Variants in FBXO11 observed in about 807,000 individuals in gnomAD.
The protein encoded by FBXO11 is F-box protein 11.
Under a neutral mutation model 117.0 loss-of-function variants are expected in FBXO11, and 13 were observed. The ratio of observed to expected loss-of-function variants is 0.11; its 90% confidence interval spans 0.07 to 0.18. The LOEUF (loss-of-function observed/expected upper bound fraction) is 0.18, where lower values mean the gene tolerates loss of function less well. FBXO11 is among the 10% of genes least tolerant of loss of function. The pLI is 1.00. For synonymous variants in FBXO11, 490 were observed against 380.5 expected (o/e 1.29, Z -3.35); for missense variants, 767 against 1,164.4 (o/e 0.66, Z 4.97).
At chr2:47,837,605 CAAA>C (rs1401019749) in intron 4 of FBXO11, among the ~76,000 whole-genome samples, 9 of 152,262 alleles carry the variant, frequency 5.9e-5, no homozygotes, top group African/African-American at 2.2e-4. Context: ...CGTTGTAAAA[CAAA>C]GAAGTGTAAA....
At chr2:47,810,818 TCTGGCCCTTATTA>T in intron 18 of FBXO11, 1 of 156,616 alleles carries the variant, frequency 6.4e-6, no homozygotes, top group Non-Finnish European at 1.4e-5. Context: ...AGCCCTTATT[TCTGGCCCTTATTA>T]CTATAATCAT....
At chr2:47,842,866 T>C (rs1673117393) in intron 1 of FBXO11, among the ~76,000 whole-genome samples, 1 of 151,322 alleles carries the variant, frequency 6.6e-6, no homozygotes, top group African/African-American at 2.4e-5. Flanking sequence ...CTGCAGCCTG[T>C]ATCTCCTGGG....
At chr2:47,839,397 G>C in intron 3 of FBXO11, 22 bp downstream of exon 3, 1 of 1,589,546 alleles carries the variant, frequency 6.3e-7, no homozygotes, top group Non-Finnish European at 8.5e-7. Context: ...TACCCTATTT[G>C]TTACTTTCCC....
intron 1 of FBXO11, among the ~76,000 whole-genome samples, chr2:47,863,894 T>C (rs981811735): frequency 1.3e-5 from 2 of 151,860 alleles, no homozygotes; most frequent in African/African-American, 2.4e-5. Context: ...TGAGCCAAGA[T>C]TGTGCCAATG....
At chr2:47,892,142 A>G (rs1677302037) in intron 1 of FBXO11, among the ~76,000 whole-genome samples, 1 of 151,926 alleles carries the variant, frequency 6.6e-6, no homozygotes, top group Admixed American at 6.6e-5. Flanking sequence ...GTCTATTTTT[A>G]CTTTTGTTGC....
chr2:47,833,181 A>G, intron 7 of FBXO11, 111 bp from the exon 8 acceptor site: 1 of 660,900 alleles, frequency 1.5e-6, no homozygotes, highest in Non-Finnish European at 2.6e-6. Flanking sequence ...TGGGACTAAT[A>G]TTCACTATCA....
chr2:47,875,122 A>T (rs1289463005), intron 1 of FBXO11, among the ~76,000 whole-genome samples: 1 of 152,152 alleles, frequency 6.6e-6, no homozygotes, highest in Non-Finnish European at 1.5e-5. Flanking sequence ...AACTTTCCAC[A>T]ACGATGACAA....
chr2:47,858,466 G>C (rs925121649), intron 1 of FBXO11, among the ~76,000 whole-genome samples: 2 of 150,906 alleles, frequency 1.3e-5, no homozygotes, highest in South Asian at 4.2e-4. Flanking sequence ...CAGATCACCT[G>C]AAGTCACGAG....
intron 4 of FBXO11, among the ~76,000 whole-genome samples, 153 bp from the exon 5 acceptor site, chr2:47,836,154 T>C (rs1181510651): frequency 1.3e-5 from 2 of 152,182 alleles, no homozygotes; most frequent in African/African-American, 4.8e-5. Flanking sequence ...GATTTTTTTT[T>C]TGAGACACAG....
At chr2:47,892,852 T>C (rs1012011332) in intron 1 of FBXO11, among the ~76,000 whole-genome samples, 1 of 152,266 alleles carries the variant, frequency 6.6e-6, no homozygotes, top group East Asian at 1.9e-4. Context: ...TTTTCTTATC[T>C]AGGCGTTTTT....
rs752784417 is a variant in FBXO11, at chr2:47,839,021, T to C, written c.443-18A>G. The C allele has an allele frequency of 2.0e-5, 32 of 1,592,816 alleles. No homozygotes were observed. The highest frequency in any genetic ancestry group is 2.7e-5 in the Non-Finnish European group (32 of 1,169,718). On this transcript the variant is annotated intron_variant, in intron 3 of 22. Transcript: ENST00000403359. ...AGGTGCTGCTATAAAGAGATTAACA[T>C]ATAAACTATCATTCGAGCAATAACT...
At chr2:47,890,123 ATTAT>A (rs137926259) in intron 1 of FBXO11, among the ~76,000 whole-genome samples, 56 of 151,728 alleles carry the variant, frequency 3.7e-4, no homozygotes, top group African/African-American at 1.2e-3. Flanking sequence ...GCTAATTTTT[ATTAT>A]TTATTTATTT....
intron 1 of FBXO11, among the ~76,000 whole-genome samples, chr2:47,884,820 A>C (rs1182104907): frequency 6.6e-6 from 1 of 151,560 alleles, no homozygotes; most frequent in Non-Finnish European, 1.5e-5. Context: ...TTCTAATCCT[A>C]AGGTTGCCAA....
chr2:47,890,646 A>G (rs1677187762), intron 1 of FBXO11, among the ~76,000 whole-genome samples: 1 of 151,958 alleles, frequency 6.6e-6, no homozygotes, highest in African/African-American at 2.4e-5. Flanking sequence ...TCTACTAAAA[A>G]TACAAAAAGT....
chr2:47,819,532 C>G (rs1195355373), intron 14 of FBXO11, among the ~76,000 whole-genome samples: 1 of 151,950 alleles, frequency 6.6e-6, no homozygotes, highest in African/African-American at 2.4e-5. Flanking sequence ...TTTTATGTAG[C>G]CTCTACCTGA....
intron 1 of FBXO11, among the ~76,000 whole-genome samples, chr2:47,900,031 T>C (rs1677981761): frequency 6.6e-6 from 1 of 152,094 alleles, no homozygotes; most frequent in South Asian, 2.1e-4. Context: ...CTGCCTTACC[T>C]AGTAGGTCTC....
rs1487329821 is a variant in FBXO11, at chr2:47,832,475, C to G, written c.1272G>C (p.Glu424Asp). The G allele has an allele frequency of 6.2e-7, 1 of 1,612,374 alleles. No individual in the cohort carries two copies. The highest frequency in any genetic ancestry group is 8.5e-7 in the Non-Finnish European group (1 of 1,179,404). ...YITDHAQGIYEDNEISNNALA... is the reference protein window; with the variant it reads ...YITDHAQGIYDDNEISNNALA... ...ACGCATTATTGGAAATTTCATTATC[C>G]TCATATATTCCCTACAACAAGTTAT... Residue 424 changes from glutamate to aspartate, a missense_variant, in exon 11 of 23, where the codon GAG becomes GAC. Glu to Asp is a conservative substitution (Grantham distance 45, BLOSUM62 2). Transcript: ENST00000403359.
At chr2:47,876,030 A>T (rs956567783) in intron 1 of FBXO11, among the ~76,000 whole-genome samples, 7 of 152,214 alleles carry the variant, frequency 4.6e-5, no homozygotes, top group African/African-American at 1.7e-4. Flanking sequence ...GTCATCCCCA[A>T]TTATACATAA....
intron 1 of FBXO11, among the ~76,000 whole-genome samples, chr2:47,896,803 C>T (rs777279009): frequency 6.6e-6 from 1 of 152,104 alleles, no homozygotes; most frequent in Non-Finnish European, 1.5e-5. Flanking sequence ...GTATTGCTGA[C>T]CTTATATGAA....
Sources: gnomAD v4.1 joint callset for allele counts (sites outside exome capture counted in the v4.1 genomes callset) on GRCh38, gnomAD v4.1.1 for gene constraint, MANE v1.5 for transcripts, NCBI Gene and HGNC (gene_info 2026-07-23, HGNC 2026-07-21) for gene names.